PSMD13: variants seen among roughly 807,000 people sequenced by gnomAD.
PSMD13 encodes 26S proteasome non-ATPase regulatory subunit 13.
A neutral mutation model predicts 57.4 loss-of-function variants in PSMD13; 8 were observed. That is an observed-to-expected ratio of 0.14 (90% CI 0.08 to 0.25). The LOEUF (loss-of-function observed/expected upper bound fraction) is 0.25. Among genes scored for constraint, PSMD13 ranks in the 10% least tolerant of loss-of-function variants. The pLI is 1.00. For synonymous variants in PSMD13, 193 were observed against 168.2 expected (o/e 1.15, Z -1.14); for missense variants, 400 against 461.5 (o/e 0.87, Z 1.22).
chr11:240,132 G>A (rs1021552054), intron 2 of PSMD13, among the ~76,000 whole-genome samples: 2 of 37,082 alleles, frequency 5.4e-5, no homozygotes, highest in African/African-American at 6.9e-5. Flanking sequence ...TTTTTTTGAC[G>A]GAGTTTCGCT....
chr11:237,564 G>A (rs1003226068), intron 1 of PSMD13, among the ~76,000 whole-genome samples: 2 of 152,230 alleles, frequency 1.3e-5, no homozygotes, highest in African/African-American at 4.8e-5. Flanking sequence ...TTCGTGCTTA[G>A]CCTTGTCATA....
intron 6 of PSMD13, among the ~76,000 whole-genome samples, chr11:245,685 CATGTGTGT>C (rs1564822082): frequency 1.7e-5 from 1 of 58,768 alleles, no homozygotes; most frequent in Non-Finnish European, 3.4e-5. Flanking sequence ...TGTGTGTTTG[CATGTGTGT>C]TCGTGTGTTT....
rs1434219347 is a variant in PSMD13, at chr11:251,652, A to G, written c.918+26A>G. ...GTACGGTCCCTAGGCTCAGGGTGTT[A>G]GAGCAGCAAAGCTGCCACATGGAGG... On this transcript the variant is annotated intron_variant, in intron 11 of 12. Transcript: ENST00000532097. This position sits in a 1 kb window ranked among gnomAD's most constrained non-coding sequence, Gnocchi z 4.6. The G allele has an allele frequency of 6.3e-7, 1 of 1,595,376 alleles. No individual in the cohort carries two copies. Among genetic ancestry groups the G allele is most frequent in the East Asian group, 2.2e-5 (1 of 44,822 alleles).
intron 2 of PSMD13, among the ~76,000 whole-genome samples, chr11:240,627 G>A (rs944051865): frequency 1.3e-5 from 2 of 152,098 alleles, no homozygotes; most frequent in African/African-American, 4.8e-5. Flanking sequence ...AAATTTGTTG[G>A]GATCCAGCTA....
At chr11:248,525 A>G in intron 7 of PSMD13, 1 of 501,366 alleles carries the variant, frequency 2.0e-6, no homozygotes, top group South Asian at 2.5e-5. Context: ...GGCACAGCTG[A>G]AAATATGAAT....
chr11:248,258 G>A (rs1859697964), intron 7 of PSMD13: 1 of 155,024 alleles, frequency 6.5e-6, no homozygotes, highest in Non-Finnish European at 1.4e-5. Context: ...TAAATTTTCA[G>A]CATATTTTAG....
chr11:250,956 T>A, intron 10 of PSMD13, 91 bp downstream of exon 10: 1 of 1,197,812 alleles, frequency 8.3e-7, no homozygotes. Flanking sequence ...CTGAGCAGTG[T>A]GAGCTTTCAG....
chr11:249,106 C>T lies in PSMD13; in HGVS notation c.774+49C>T, dbSNP rs781481828. On this transcript the variant is annotated intron_variant, in intron 9 of 12. Transcript: ENST00000532097. ...CCTTATTCCCCCATGTATCTACTCGCTCATACAACAGATGTTCATTGAGCG... is the reference window on the plus strand; with the variant it reads ...CCTTATTCCCCCATGTATCTACTCGTTCATACAACAGATGTTCATTGAGCG... 23 of 1,600,670 alleles carry T rather than the reference C, an allele frequency of 1.4e-5. No homozygotes were observed. In the Admixed American group the frequency reaches 3.7e-4, roughly 26 times the overall value.
intron 7 of PSMD13, 174 bp from the exon 8 acceptor site, chr11:248,602 C>A: frequency 1.6e-6 from 1 of 637,906 alleles, no homozygotes; most frequent in Non-Finnish European, 2.7e-6. Context: ...ATATATGGTT[C>A]TTGGTATAAT....
chr11:252,190 A>G lies in PSMD13; in HGVS notation c.1035+254A>G, dbSNP rs942785238. ...TGACGGTGCCTTTTAATCTTAAGAT[A>G]GGAGCTCTGATCAGATACGTTCCTG... On this transcript the variant is annotated intron_variant, in intron 12 of 12. Coordinates refer to ENST00000532097, the MANE Select transcript of PSMD13 (RefSeq NM_002817.4). The surrounding 1 kb of genome is among the most constrained non-coding windows in gnomAD (Gnocchi z 4.1). The G allele has an allele frequency of 1.9e-5, 10 of 515,796 alleles. No homozygotes were observed. The highest frequency in any genetic ancestry group is 2.4e-5 in the Non-Finnish European group (7 of 287,410). 32.0% of individuals were successfully genotyped at this position (515,796 alleles called of 1,614,324 possible). A position where few individuals can be genotyped will look rare whatever the true frequency, so the allele number is the denominator to read the frequency against.
rs183179134 is a variant in PSMD13, at chr11:249,908, T to C, written c.774+851T>C. 2.5e-3 allele frequency among the ~76,000 whole-genome samples: 373 copies of C among 152,172 alleles called. 4 individuals carry two copies. The highest frequency in any genetic ancestry group is 9.0e-4 in the Non-Finnish European group (61 of 68,008). On this transcript the variant is annotated intron_variant, in intron 9 of 12. Transcript: ENST00000532097. ...CATGCATAGTGGAGCAGGGTAGATATAGATGAAGGCACTGTGAAGAGGCAG... is the reference window on the plus strand; with the variant it reads ...CATGCATAGTGGAGCAGGGTAGATACAGATGAAGGCACTGTGAAGAGGCAG...
intron 1 of PSMD13, among the ~76,000 whole-genome samples, chr11:238,747 G>GAT (rs1180052435): frequency 6.6e-6 from 1 of 152,168 alleles, no homozygotes; most frequent in African/African-American, 2.4e-5. Context: ...AAATATTTGC[G>GAT]ATATATACTT....
At position 249,162 on chromosome 11, in the gene PSMD13, C is replaced by G. The variant is rs909095396; in HGVS notation, c.774+105C>G. On this transcript the variant is annotated intron_variant, in intron 9 of 12. Coordinates refer to ENST00000532097, the MANE Select transcript of PSMD13 (RefSeq NM_002817.4). The stretch of plus-strand genomic sequence containing the variant: ...CCTAGGCACACAGGAAAGAACAGGG[C>G]AAAGAGGAGACCAAGATAGGCTAGT... The G allele has an allele frequency of 1.0e-5, 15 of 1,498,828 alleles. No individual in the cohort carries two copies. The African/African-American group carries it at 1.7e-4, about 16-fold the overall frequency. The allele number at this position is 1,498,828 out of a possible 1,614,324, so 92.8% of individuals were successfully genotyped here. A position where few individuals can be genotyped will look rare whatever the true frequency, so the allele number is the denominator to read the frequency against.
intron 2 of PSMD13, 111 bp downstream of exon 2, chr11:239,187 C>G (rs1330196507): frequency 9.3e-7 from 1 of 1,073,836 alleles, no homozygotes; most frequent in Non-Finnish European, 1.4e-6. Context: ...TCAGCAGTCA[C>G]TTTACGTCAG....
intron 9 of PSMD13, among the ~76,000 whole-genome samples, chr11:249,826 T>C (rs751002114): frequency 2.6e-5 from 4 of 152,198 alleles, no homozygotes; most frequent in African/African-American, 4.8e-5. Flanking sequence ...ATTATGGTTA[T>C]TTTTGTATTT....
chr11:244,938 C>CT (rs35323262), intron 6 of PSMD13, among the ~76,000 whole-genome samples, 177 bp downstream of exon 6: 16,384 of 139,016 alleles, frequency 0.12, 1,709 homozygotes, highest in East Asian at 0.56. Context: ...CATTGCAAAC[C>CT]TTTTTTTTTT....
intron 2 of PSMD13, among the ~76,000 whole-genome samples, chr11:242,130 C>T (rs7124688): frequency 0.57 from 77,884 of 137,544 alleles, 20,728 homozygotes; most frequent in East Asian, 0.82. Flanking sequence ...ACTTCTGCCC[C>T]TTTTTTTTTC....
At chr11:245,902 A>G (rs1030757892) in intron 6 of PSMD13, among the ~76,000 whole-genome samples, 2 of 152,184 alleles carry the variant, frequency 1.3e-5, no homozygotes, top group African/African-American at 4.8e-5. Flanking sequence ...ATTGAAAGCT[A>G]TAAGTCACAG....
chr11:247,180 C>T (rs1011670135), intron 6 of PSMD13, 97 bp from the exon 7 acceptor site: 3 of 1,303,290 alleles, frequency 2.3e-6, no homozygotes, highest in Non-Finnish European at 3.1e-6. Context: ...GCCAGGAGTT[C>T]AAGACCACCC....
Sources: gnomAD v4.1 joint callset for allele counts (sites outside exome capture counted in the v4.1 genomes callset) on GRCh38, gnomAD v4.1.1 for gene constraint, Gnocchi (gnomAD v3.1) non-coding constraint, MANE v1.5 for transcripts, NCBI Gene and HGNC (gene_info 2026-07-23, HGNC 2026-07-21) for gene names.